The following CTDSPL variants were observed in gnomAD, a reference collection of about 807,000 sequenced individuals.
CTDSPL encodes the protein CTD small phosphatase like.
In CTDSPL, 8 loss-of-function variants were observed where a neutral mutation model predicts 30.5. The observed-to-expected ratio is 0.26, with a 90% CI of 0.15 to 0.47. The LOEUF (loss-of-function observed/expected upper bound fraction) is 0.47. CTDSPL is among the 20% of genes least tolerant of loss of function. The pLI is 0.99. For missense variants in CTDSPL, 248 were observed against 366.1 expected (o/e 0.68, Z 2.63); for synonymous variants, 110 against 137.9 (o/e 0.80, Z 1.42).
intron 2 of CTDSPL, among the ~76,000 whole-genome samples, chr3:37,948,369 G>A (rs1234726546): frequency 6.6e-6 from 1 of 152,080 alleles, no homozygotes; most frequent in South Asian, 2.1e-4. Context: ...AGAAAACAAG[G>A]GTTACAATAT....
chr3:37,863,091 A>C (rs988794527), intron 1 of CTDSPL, among the ~76,000 whole-genome samples: 7 of 152,146 alleles, frequency 4.6e-5, no homozygotes, highest in Non-Finnish European at 1.0e-4. Context: ...GGGGGGGAGA[A>C]GAGGCAGTTC....
intron 3 of CTDSPL, among the ~76,000 whole-genome samples, chr3:37,959,377 T>A (rs1048337851): frequency 6.6e-6 from 1 of 152,278 alleles, no homozygotes; most frequent in Non-Finnish European, 1.5e-5. Flanking sequence ...TACGTGAAGT[T>A]GAAAGATTAA....
intron 1 of CTDSPL, among the ~76,000 whole-genome samples, chr3:37,903,725 C>G (rs988750228): frequency 2.6e-5 from 4 of 152,218 alleles, no homozygotes; most frequent in African/African-American, 9.6e-5. Context: ...TTCATAGTAA[C>G]AGGCACAAGC....
intron 1 of CTDSPL, among the ~76,000 whole-genome samples, chr3:37,932,516 T>C (rs1005729862): frequency 6.6e-6 from 1 of 152,222 alleles, no homozygotes; most frequent in African/African-American, 2.4e-5. Flanking sequence ...AAAAAAAGTA[T>C]ATAAGCAGAG....
chr3:37,943,664 G>A (rs929525130), intron 1 of CTDSPL, among the ~76,000 whole-genome samples: 1 of 150,212 alleles, frequency 6.7e-6, no homozygotes, highest in Non-Finnish European at 1.5e-5. Context: ...AAAAGACCTT[G>A]TTCTTGGATA....
At chr3:37,979,522 G>A (rs1446208431) in intron 7 of CTDSPL, among the ~76,000 whole-genome samples, 1 of 152,132 alleles carries the variant, frequency 6.6e-6, no homozygotes, top group Non-Finnish European at 1.5e-5. Context: ...GAACCCAGGA[G>A]TTGGAGGTTG....
chr3:37,950,385 A>C (rs1699093277), intron 2 of CTDSPL, among the ~76,000 whole-genome samples: 1 of 152,238 alleles, frequency 6.6e-6, no homozygotes, highest in Non-Finnish European at 1.5e-5. Context: ...CTAATGGAAG[A>C]GATGGAAGAG....
At chr3:37,948,778 CTAAA>C (rs1012506822) in intron 2 of CTDSPL, among the ~76,000 whole-genome samples, 26 of 147,932 alleles carry the variant, frequency 1.8e-4, no homozygotes, top group Admixed American at 1.3e-3. Flanking sequence ...GAAATGCAAA[CTAAA>C]TAATGAGAGA....
chr3:37,862,290 C>A lies in CTDSPL; in HGVS notation c.79+12C>A, dbSNP rs1166972563. On this transcript the variant is annotated intron_variant, in intron 1 of 7. Transcript: ENST00000273179. This position sits in a 1 kb window ranked among gnomAD's most constrained non-coding sequence, Gnocchi z 4.3. ...CGCGGGCGAGAAAGGTGAGGAGGGG[C>A]GCAGGCGGCCGCGGGCTGGGGGCGA... 3 of 1,483,608 alleles carry A rather than the reference C, an allele frequency of 2.0e-6. No individual in the cohort carries two copies. Among genetic ancestry groups the A allele is most frequent in the African/African-American group, 1.5e-5 (1 of 68,082 alleles). The allele number at this position is 1,483,608 out of a possible 1,614,324, so 91.9% of individuals were successfully genotyped here.
chr3:37,952,759 C>G (rs1699125205), intron 2 of CTDSPL, among the ~76,000 whole-genome samples: 1 of 152,196 alleles, frequency 6.6e-6, no homozygotes. Context: ...TATTCCTGCT[C>G]TCAACAAAAT....
rs1197868424 is a variant in CTDSPL at position 37,981,671 on chromosome 3, A to G, written c.*804A>G. 1 of 327,872 alleles carries G rather than the reference A, an allele frequency of 3.0e-6. No homozygotes were observed. Among genetic ancestry groups the G allele is most frequent in the African/African-American group, 2.2e-5 (1 of 46,174 alleles). 20.3% of individuals were successfully genotyped at this position (327,872 alleles called of 1,614,324 possible). A position where few individuals can be genotyped will look rare whatever the true frequency, so the allele number is the denominator to read the frequency against. On this transcript the variant is annotated 3_prime_UTR_variant, in exon 8 of 8. Transcript: ENST00000273179. ...TCTTGAGGTCACATTTTCTCCTTGA[A>G]AAGTGACATCCTGTCACTTCTGCTC...
At chr3:37,865,494 G>A (rs1021309618) in intron 1 of CTDSPL, among the ~76,000 whole-genome samples, 4 of 152,210 alleles carry the variant, frequency 2.6e-5, no homozygotes, top group Admixed American at 2.0e-4. Flanking sequence ...AATAAAGTGA[G>A]TACAGAGTTT....
chr3:37,899,922 T>C (rs1028112644), intron 1 of CTDSPL, among the ~76,000 whole-genome samples: 1 of 152,170 alleles, frequency 6.6e-6, no homozygotes, highest in Non-Finnish European at 1.5e-5. Context: ...ATGGAGATAA[T>C]AATGGTACCT....
chr3:37,973,954 T>C (rs752061334), intron 6 of CTDSPL, among the ~76,000 whole-genome samples: 7 of 152,214 alleles, frequency 4.6e-5, no homozygotes, highest in Non-Finnish European at 7.3e-5. Context: ...AGAGCAAGCT[T>C]GTCCAGCCTG....
chr3:37,956,463 G>A (rs1457993190), intron 2 of CTDSPL, among the ~76,000 whole-genome samples: 5 of 152,208 alleles, frequency 3.3e-5, no homozygotes, highest in Admixed American at 6.5e-5. Flanking sequence ...CCATCAATTA[G>A]GTTTGGAATG....
chr3:37,954,745 A>G (rs1319660795), intron 2 of CTDSPL: 1 of 152,308 alleles, frequency 6.6e-6, no homozygotes, highest in African/African-American at 2.4e-5. Context: ...CATCACAGCC[A>G]CAACCTGGAC....
intron 1 of CTDSPL, among the ~76,000 whole-genome samples, chr3:37,870,204 G>T (rs987504752): frequency 1.3e-5 from 2 of 151,876 alleles, no homozygotes; most frequent in African/African-American, 4.8e-5. Context: ...GGGTTGGGGG[G>T]AATTTTTAAA....
At chr3:37,893,326 C>T (rs944768568) in intron 1 of CTDSPL, among the ~76,000 whole-genome samples, 2 of 152,168 alleles carry the variant, frequency 1.3e-5, no homozygotes, top group African/African-American at 2.4e-5. Flanking sequence ...GGTAATCTTT[C>T]TTTGAACAAA....
chr3:37,956,347 A>C (rs889973788), intron 2 of CTDSPL, among the ~76,000 whole-genome samples: 1 of 152,226 alleles, frequency 6.6e-6, no homozygotes. Context: ...GAAGCAGTGC[A>C]TTGCCTTATT....
Sources: gnomAD v4.1 joint callset for allele counts (sites outside exome capture counted in the v4.1 genomes callset) on GRCh38, gnomAD v4.1.1 for gene constraint, Gnocchi (gnomAD v3.1) non-coding constraint, MANE v1.5 for transcripts, NCBI Gene and HGNC (gene_info 2026-07-23, HGNC 2026-07-21) for gene names.